The following FMN1 variants were observed in gnomAD, a reference collection of about 807,000 sequenced individuals.
The protein encoded by FMN1 is formin-1.
A neutral mutation model predicts 132.4 loss-of-function variants in FMN1; 110 were observed. The ratio of observed to expected loss-of-function variants is 0.83; its 90% CI spans 0.71 to 0.97. FMN1 has a LOEUF of 0.97. FMN1 is among the 50% of genes least tolerant of loss of function. The pLI, the probability that FMN1 is intolerant of heterozygous loss-of-function variation, is 0.00. For synonymous variants in FMN1, 722 were observed against 651.7 expected (o/e 1.11, Z -1.64); for missense variants, 1,792 against 1,705.3 (o/e 1.05, Z -0.90).
At chr15:32,797,705 T>C (rs534654141) in intron 19 of FMN1, among the ~76,000 whole-genome samples, 1 of 152,266 alleles carries the variant, frequency 6.6e-6, no homozygotes, top group South Asian at 2.1e-4. Context: ...TTTAACTTCC[T>C]TGGAAAGAAA....
intron 4 of FMN1, among the ~76,000 whole-genome samples, chr15:33,120,773 C>A (rs1433667361): frequency 6.6e-6 from 1 of 152,080 alleles, no homozygotes; most frequent in African/African-American, 2.4e-5. Context: ...CCTTTTACTG[C>A]ACATTTGGTT....
chr15:33,151,401 T>G (rs1194371808), intron 4 of FMN1: 1 of 1,536,278 alleles, frequency 6.5e-7, no homozygotes, highest in East Asian at 2.4e-5. Flanking sequence ...GTAAAGGGAA[T>G]GTTGAGTGAT....
intron 4 of FMN1, among the ~76,000 whole-genome samples, chr15:33,142,631 T>C (rs547926944): frequency 6.6e-6 from 1 of 152,346 alleles, no homozygotes; most frequent in Admixed American, 6.5e-5. Flanking sequence ...TTCAGCATAT[T>C]AATATAATGA....
chr15:32,981,204 A>G (rs2032626418), intron 7 of FMN1, among the ~76,000 whole-genome samples: 1 of 152,032 alleles, frequency 6.6e-6, no homozygotes, highest in Non-Finnish European at 1.5e-5. Context: ...AAATTAATTA[A>G]ATTCTGACTG....
chr15:33,171,198 T>C (rs1007816828), intron 3 of FMN1, among the ~76,000 whole-genome samples: 15 of 152,206 alleles, frequency 9.9e-5, no homozygotes, highest in African/African-American at 3.1e-4. Flanking sequence ...AGAATTATAG[T>C]TTCCAGAGAC....
rs574874605 is a variant in FMN1, at chr15:32,806,303, T to TC, written c.3929-1972_3929-1971insG. 1.3e-3 allele frequency among the ~76,000 whole-genome samples: 205 copies of TC among 152,328 alleles called. 1 individual carries two copies. In the South Asian group the frequency reaches 0.021, roughly 16 times the overall value. ...CCCTACCACTTACTATCTGTATGAC[T>TC]TTGGCAAGTTAGTTAAGACCAAATG... On this transcript the variant is annotated intron_variant, in intron 17 of 20. Coordinates refer to ENST00000616417, the MANE Select transcript of FMN1 (RefSeq NM_001277313.2).
intron 19 of FMN1, among the ~76,000 whole-genome samples, chr15:32,797,519 A>G (rs1258744): frequency 0.99 from 150,192 of 152,306 alleles, 74,093 homozygotes; most frequent in Middle Eastern, 1. Context: ...CAGGGCAAGA[A>G]CTATGGGTTG....
chr15:32,857,105 T>C lies in FMN1; in HGVS notation c.3838A>G (p.Ser1280Gly), dbSNP rs1053577961. 2.5e-6 allele frequency: 4 copies of C among 1,612,496 alleles called. No homozygotes were observed. Among genetic ancestry groups the C allele is most frequent in the Non-Finnish European group, 3.4e-6 (4 of 1,178,624 alleles). Reference sequence around the variant, plus strand: ...CACACCACCACCATCTGTTTCTCACTTGCTGTGAAGAGAAATTTAGAATTA... The same window carrying C: ...CACACCACCACCATCTGTTTCTCACCTGCTGTGAAGAGAAATTTAGAATTA... ...LRKLKRQLEA[S>G]EKQMVVVCKE... The change falls in exon 17 of 21, where the codon AGT (serine) becomes GGT (glycine). Residue 1280 changes from serine (S) to glycine (G), a missense_variant and splice_region_variant. By Grantham distance (56) the Ser-to-Gly change is moderately conservative. Around this residue, in one of 3 missense-constraint regions of FMN1, gnomAD observed 1,150 missense variants for 1,043.1 expected, o/e 1.10. Transcript: ENST00000616417.
At chr15:32,937,785 T>C (rs1024792471) in intron 9 of FMN1, among the ~76,000 whole-genome samples, 3 of 151,784 alleles carry the variant, frequency 2.0e-5, no homozygotes, top group African/African-American at 4.8e-5. Flanking sequence ...CCAAACAAAC[T>C]ACAAGGAAAA....
chr15:33,011,933 A>T (rs9806337), intron 6 of FMN1, among the ~76,000 whole-genome samples: 10,886 of 152,328 alleles, frequency 0.071, 428 homozygotes, highest in South Asian at 0.095. Flanking sequence ...CACTTCACTT[A>T]CAGCAGGAGT....
intron 7 of FMN1, among the ~76,000 whole-genome samples, chr15:32,976,082 G>C (rs1276627370): frequency 6.6e-6 from 1 of 152,072 alleles, no homozygotes; most frequent in Non-Finnish European, 1.5e-5. Context: ...TTAGCATTTT[G>C]TTGTTAAAAA....
rs1408597963 is a variant in FMN1, at chr15:32,768,372, T to C, written c.*5938A>G. On this transcript the variant is annotated 3_prime_UTR_variant, in exon 21 of 21. Coordinates refer to ENST00000616417, the MANE Select transcript of FMN1 (RefSeq NM_001277313.2). Reference sequence around the variant, plus strand: ...GAAGAGAACAATGAAGGAAAGCAGGTACACGTTTGCCAAGGACATTAACAA... The same window carrying C: ...GAAGAGAACAATGAAGGAAAGCAGGCACACGTTTGCCAAGGACATTAACAA... 6.6e-6 allele frequency: 1 copy of C among 152,222 alleles called. No homozygotes were observed. Among genetic ancestry groups the C allele is most frequent in the Non-Finnish European group, 1.5e-5 (1 of 68,040 alleles). The allele number at this position is 152,222 out of a possible 1,614,324, so 9.4% of individuals were successfully genotyped here.
At chr15:32,961,955 C>T (rs189096141) in intron 9 of FMN1, among the ~76,000 whole-genome samples, 40 of 152,136 alleles carry the variant, frequency 2.6e-4, no homozygotes, top group Non-Finnish European at 5.0e-4. Context: ...CAGAAGCCAC[C>T]GTCATAATGA....
intron 17 of FMN1, among the ~76,000 whole-genome samples, chr15:32,850,062 A>G (rs2058973224): frequency 6.6e-6 from 1 of 152,192 alleles, no homozygotes. Flanking sequence ...CTTTGGAACC[A>G]CGCCTGTCGG....
intron 15 of FMN1, among the ~76,000 whole-genome samples, chr15:32,896,275 TTCTC>T (rs1424549524): frequency 1.8e-4 from 28 of 152,036 alleles, no homozygotes; most frequent in South Asian, 6.2e-4. Flanking sequence ...AAATGAATGA[TTCTC>T]TCTTCATTTT....
chr15:32,897,661 G>A (rs1008902518), intron 15 of FMN1, among the ~76,000 whole-genome samples: 5 of 152,210 alleles, frequency 3.3e-5, no homozygotes, highest in Non-Finnish European at 7.3e-5. Flanking sequence ...ACTTGAAAAT[G>A]GGGAGCCACT....
At chr15:33,013,002 T>C (rs930775009) in intron 6 of FMN1, 2 of 427,074 alleles carry the variant, frequency 4.7e-6, no homozygotes, top group East Asian at 6.1e-5. Context: ...GCCAGTACTT[T>C]GCCAAACCAC....
At chr15:32,797,517 G>C (rs1033072853) in intron 19 of FMN1, among the ~76,000 whole-genome samples, 1 of 152,178 alleles carries the variant, frequency 6.6e-6, no homozygotes, top group Non-Finnish European at 1.5e-5. Flanking sequence ...GGCAGGGCAA[G>C]AACTATGGGT....
chr15:33,043,968 T>A (rs2036561845), intron 6 of FMN1, among the ~76,000 whole-genome samples: 1 of 152,230 alleles, frequency 6.6e-6, no homozygotes, highest in African/African-American at 2.4e-5. Context: ...GAAGTCCCCC[T>A]TTCCCTACAG....
Sources: allele counts gnomAD v4.1 joint callset (sites outside exome capture counted in the v4.1 genomes callset), GRCh38; gene constraint gnomAD v4.1.1; regional missense constraint gnomAD v4.1.1; transcripts MANE v1.5; gene names NCBI Gene and HGNC (gene_info 2026-07-23, HGNC 2026-07-21).